The following CCDC91 variants were observed in gnomAD, a reference collection of about 807,000 sequenced individuals.
The protein encoded by CCDC91 is coiled-coil domain containing 91, also known as coiled-coil domain-containing protein 91.
A neutral mutation model predicts 63.2 loss-of-function variants in CCDC91; 48 were observed. That is an observed-to-expected ratio of 0.76 (90% CI 0.60 to 0.97). The LOEUF (loss-of-function observed/expected upper bound fraction) is 0.97. Among genes scored for constraint, CCDC91 ranks in the 50% least tolerant of loss-of-function variants. CCDC91 has a pLI of 0.00. For synonymous variants in CCDC91, 167 were observed against 165.8 expected (o/e 1.01, Z -0.06); for missense variants, 500 against 494.6 (o/e 1.01, Z -0.10).
intron 8 of CCDC91, among the ~76,000 whole-genome samples, chr12:28,394,266 A>C (rs564801232): frequency 7.9e-5 from 12 of 152,254 alleles, no homozygotes; most frequent in Admixed American, 3.9e-4. Context: ...GAAGATTGAG[A>C]CCATCCTGGC....
chr12:28,300,844 A>AAG (rs1937997756), intron 3 of CCDC91, among the ~76,000 whole-genome samples: 1 of 151,524 alleles, frequency 6.6e-6, no homozygotes, highest in African/African-American at 2.4e-5. Context: ...TAAGTACTGT[A>AAG]TTGTGTCTTT....
chr12:28,499,863 A>G lies in CCDC91; in HGVS notation c.1215+15698A>G, dbSNP rs147045029. Among the ~76,000 whole-genome samples, 21 of 152,184 alleles carry G rather than the reference A, an allele frequency of 1.4e-4. No homozygotes were observed. The East Asian group carries it at 3.1e-3, about 22-fold the overall frequency. Reference sequence around the variant, plus strand: ...ATAATCCTTTGGGTATATACCCAGTAATGGGATTGCTGGGTCAAATGCTAT... The same window carrying G: ...ATAATCCTTTGGGTATATACCCAGTGATGGGATTGCTGGGTCAAATGCTAT... On this transcript the variant is annotated intron_variant, in intron 12 of 12. Transcript: ENST00000536442.
intron 1 of CCDC91, among the ~76,000 whole-genome samples, chr12:28,205,607 A>T (rs553431584): frequency 6.6e-6 from 1 of 152,310 alleles, no homozygotes; most frequent in South Asian, 2.1e-4. Context: ...TTTTGTAGAC[A>T]AAAAAGAAAT....
rs117624922 is a variant in CCDC91, at chr12:28,399,248, A to G, written c.762+7837A>G. On this transcript the variant is annotated intron_variant, in intron 8 of 12. Coordinates refer to ENST00000536442, the MANE Select transcript of CCDC91 (RefSeq NM_018318.5). ...GGGAAGCAAACATGTCCTTCTTCAC[A>G]TGACAGCAGCAAGGAGAAATACCGA... Among the ~76,000 whole-genome samples the G allele has an allele frequency of 3.3e-4, 51 of 152,308 alleles. 1 individual carries two copies. The East Asian group carries it at 8.9e-3, about 27-fold the overall frequency.
Position 28,267,851 on chromosome 12 carries a change from AGT to A in CCDC91, c.109+8410_109+8411del, listed in dbSNP as rs1565700379. On this transcript the variant is annotated intron_variant, in intron 3 of 12. Transcript: ENST00000536442. Reference sequence around the variant, plus strand: ...AATATATAATTATATATAATTATATAGTAATATATAATTATATATAATTATAT... The same window carrying A: ...AATATATAATTATATATAATTATATAAATATATAATTATATATAATTATAT... Among the ~76,000 whole-genome samples the A allele has an allele frequency of 6.2e-3, 134 of 21,574 alleles. 19 individuals carry two copies. The highest frequency in any genetic ancestry group is 0.071 in the Middle Eastern group (2 of 28). The allele number at this position is 21,574 out of a possible 152,430, so 14.2% of individuals were successfully genotyped here. A position where few individuals can be genotyped will look rare whatever the true frequency, so the allele number is the denominator to read the frequency against.
At chr12:28,380,431 C>G (rs1329963005) in intron 7 of CCDC91, among the ~76,000 whole-genome samples, 1 of 152,050 alleles carries the variant, frequency 6.6e-6, no homozygotes, top group Non-Finnish European at 1.5e-5. Context: ...CTGTTTTATA[C>G]TACATCAGGT....
intron 3 of CCDC91, among the ~76,000 whole-genome samples, chr12:28,267,947 T>TATTATA (rs1200788517): frequency 3.9e-5 from 4 of 101,642 alleles, no homozygotes; most frequent in East Asian, 2.3e-4. Flanking sequence ...TATATATAAT[T>TATTATA]ATTATATATA....
Position 28,275,826 on chromosome 12 carries a change from T to C in CCDC91, c.109+16384T>C, listed in dbSNP as rs570707918. On this transcript the variant is annotated intron_variant, in intron 3 of 12. Transcript: ENST00000536442. ...GCAAGGCTGTTTCAACATATGCAAATCAATAAACGTAATCCAGCATATAAA... is the reference window on the plus strand; with the variant it reads ...GCAAGGCTGTTTCAACATATGCAAACCAATAAACGTAATCCAGCATATAAA... Among the ~76,000 whole-genome samples, 178 of 152,144 alleles carry C rather than the reference T, an allele frequency of 1.2e-3. 1 individual carries two copies. Among genetic ancestry groups the C allele is most frequent in the African/African-American group, 4.2e-3 (174 of 41,512 alleles).
intron 8 of CCDC91, among the ~76,000 whole-genome samples, chr12:28,441,118 A>T (rs1004209820): frequency 6.6e-5 from 10 of 151,138 alleles, no homozygotes; most frequent in African/African-American, 2.4e-4. Flanking sequence ...AAAATATAAG[A>T]ATGGCCAATA....
chr12:28,315,152 T>C (rs530428542), intron 6 of CCDC91, among the ~76,000 whole-genome samples: 1 of 72,362 alleles, frequency 1.4e-5, no homozygotes, highest in African/African-American at 3.2e-5. Context: ...ATGTGTCAGT[T>C]GTATATATAT....
At chr12:28,247,797 C>T (rs974153745) in intron 1 of CCDC91, among the ~76,000 whole-genome samples, 1 of 152,152 alleles carries the variant, frequency 6.6e-6, no homozygotes, top group Admixed American at 6.5e-5. Context: ...TTTCTATGAA[C>T]TGGAACGTTG....
intron 3 of CCDC91, among the ~76,000 whole-genome samples, chr12:28,298,967 C>T (rs1937741748): frequency 6.6e-6 from 1 of 151,508 alleles, no homozygotes; most frequent in African/African-American, 2.4e-5. Context: ...ACTCAGGTAC[C>T]CATCTTATGT....
chr12:28,418,920 C>T (rs1947840484), intron 8 of CCDC91, among the ~76,000 whole-genome samples: 1 of 151,888 alleles, frequency 6.6e-6, no homozygotes, highest in African/African-American at 2.4e-5. Flanking sequence ...AAACAAACTC[C>T]AACAGTTAAA....
At chr12:28,436,306 A>G (rs923813702) in intron 8 of CCDC91, among the ~76,000 whole-genome samples, 1 of 151,760 alleles carries the variant, frequency 6.6e-6, no homozygotes, top group African/African-American at 2.4e-5. Flanking sequence ...TTTGTACTGT[A>G]CATTTACAAC....
intron 8 of CCDC91, among the ~76,000 whole-genome samples, chr12:28,437,967 A>G (rs1422899261): frequency 6.6e-6 from 1 of 152,148 alleles, no homozygotes; most frequent in Non-Finnish European, 1.5e-5. Context: ...TTTATAAAAT[A>G]GACATGCATG....
At chr12:28,328,669 T>C (rs1345575765) in intron 6 of CCDC91, among the ~76,000 whole-genome samples, 3 of 152,180 alleles carry the variant, frequency 2.0e-5, no homozygotes, top group East Asian at 3.9e-4. Flanking sequence ...TATAAAACTT[T>C]CCTCTGTCCA....
At chr12:28,355,446 T>A (rs531049559) in intron 6 of CCDC91, among the ~76,000 whole-genome samples, 2 of 152,274 alleles carry the variant, frequency 1.3e-5, no homozygotes, top group South Asian at 2.1e-4. Flanking sequence ...TAATGGAGAA[T>A]TGACAATGGC....
intron 1 of CCDC91, among the ~76,000 whole-genome samples, chr12:28,246,966 T>C (rs1365349505): frequency 6.6e-6 from 1 of 152,198 alleles, no homozygotes; most frequent in East Asian, 1.9e-4. Flanking sequence ...TAGTGTAGTT[T>C]CATATATTTA....
At chr12:28,252,522 T>A (rs11049485) in intron 1 of CCDC91, among the ~76,000 whole-genome samples, 30,421 of 151,836 alleles carry the variant, frequency 0.2, 3,997 homozygotes, top group Non-Finnish European at 0.3. Flanking sequence ...ATCCGGCAGT[T>A]TTTCATTTCT....
Sources: allele counts gnomAD v4.1 joint callset (sites outside exome capture counted in the v4.1 genomes callset), GRCh38; gene constraint gnomAD v4.1.1; transcripts MANE v1.5; gene names NCBI Gene and HGNC (gene_info 2026-07-23, HGNC 2026-07-21).